The following CALN1 variants were observed in gnomAD, a reference collection of about 807,000 sequenced individuals.
The protein encoded by CALN1 is calneuron 1.
In CALN1, 17 loss-of-function variants were observed where a neutral mutation model predicts 30.6. The ratio of observed to expected loss-of-function variants is 0.56; its 90% CI spans 0.38 to 0.83. The LOEUF (loss-of-function observed/expected upper bound fraction) is 0.83. Ranked by LOEUF, CALN1 falls within the 40% of genes least tolerant of loss-of-function variation. The probability of loss-of-function intolerance (pLI) is 0.00; values close to 1 mark genes in which losing one functional copy is unlikely to be tolerated. For missense variants in CALN1, 291 were observed against 354.9 expected (o/e 0.82, Z 1.45); for synonymous variants, 156 against 131.4 (o/e 1.19, Z -1.28).
chr7:71,953,974 G>A (rs1796830009), intron 5 of CALN1, among the ~76,000 whole-genome samples: 1 of 152,202 alleles, frequency 6.6e-6, no homozygotes, highest in Non-Finnish European at 1.5e-5. Context: ...AAAGAAAAGA[G>A]AACCTGAGAA....
In CALN1 at chr7:72,301,476, C is replaced by T. The variant is rs372980245; in HGVS notation, c.120-22666G>A. On this transcript the variant is annotated intron_variant, in intron 2 of 6. Coordinates refer to ENST00000395275, the MANE Select transcript of CALN1 (RefSeq NM_031468.4). ...TACAAAAATTAGCCTGGCTTGGTGG[C>T]GCATGCCTGTAGTCCCAGCTACTCG... Among the ~76,000 whole-genome samples, 19 of 151,962 alleles carry T rather than the reference C, an allele frequency of 1.3e-4. No individual in the cohort carries two copies. In the East Asian group the frequency reaches 2.9e-3, roughly 23 times the overall value.
At chr7:72,000,390 C>T (rs868513992) in intron 5 of CALN1, among the ~76,000 whole-genome samples, 55 of 151,684 alleles carry the variant, frequency 3.6e-4, no homozygotes, top group African/African-American at 1.3e-3. Context: ...TAGGGGAATA[C>T]TATGAATAAT....
chr7:71,963,840 G>A (rs950950295), intron 5 of CALN1, among the ~76,000 whole-genome samples: 4 of 152,052 alleles, frequency 2.6e-5, no homozygotes, highest in Admixed American at 6.6e-5. Context: ...TTTGCAAATG[G>A]GAAAACTGAG....
chr7:72,039,201 T>A (rs73369822), intron 4 of CALN1, among the ~76,000 whole-genome samples: 1,731 of 152,338 alleles, frequency 0.011, 45 homozygotes, highest in African/African-American at 0.039. Context: ...TGAATTCAGT[T>A]GTTCGTATCT....
intron 5 of CALN1, among the ~76,000 whole-genome samples, chr7:71,890,186 C>T (rs942821821): frequency 6.6e-6 from 1 of 152,132 alleles, no homozygotes; most frequent in Non-Finnish European, 1.5e-5. Context: ...CTCTCTGCAG[C>T]CTCAAACTCC....
chr7:72,496,384 A>AT, the CALN1 span, among the ~76,000 whole-genome samples: 253 of 152,232 alleles, frequency 1.7e-3, no homozygotes, highest in African/African-American at 5.8e-3. Flanking sequence ...ATCAGAAAAA[A>AT]CCATCTGTTG....
chr7:71,938,637 A>C (rs1176672276), intron 5 of CALN1, among the ~76,000 whole-genome samples: 1 of 152,154 alleles, frequency 6.6e-6, no homozygotes, highest in Non-Finnish European at 1.5e-5. Flanking sequence ...TCTACTAAAA[A>C]TACAAAAATT....
At chr7:72,074,477 G>A (rs1190215768) in intron 4 of CALN1, among the ~76,000 whole-genome samples, 1 of 152,130 alleles carries the variant, frequency 6.6e-6, no homozygotes, top group East Asian at 1.9e-4. Flanking sequence ...GTGCAATCTT[G>A]GCTCACTGCA....
At chr7:72,334,326 C>T (rs1393108293) in intron 2 of CALN1, among the ~76,000 whole-genome samples, 1 of 152,230 alleles carries the variant, frequency 6.6e-6, no homozygotes, top group African/African-American at 2.4e-5. Context: ...ACTGCACACA[C>T]CACAACAGAA....
At chr7:72,403,583 TATA>T (rs1372887305) in intron 1 of CALN1, 141 bp from the exon 2 acceptor site, 4 of 455,834 alleles carry the variant, frequency 8.8e-6, no homozygotes, top group African/African-American at 1.9e-5. Flanking sequence ...GCACAAGAAA[TATA>T]ATTACAGTTG....
intron 3 of CALN1, among the ~76,000 whole-genome samples, chr7:72,278,012 G>GGGC (rs1554348538): frequency 7.2e-6 from 1 of 138,636 alleles, no homozygotes; most frequent in Non-Finnish European, 1.6e-5. Flanking sequence ...CTATTCCGGG[G>GGGC]GGGGGGGACT....
intron 1 of CALN1, among the ~76,000 whole-genome samples, chr7:72,418,385 G>A (rs754925370): frequency 2.1e-4 from 32 of 152,166 alleles, no homozygotes; most frequent in South Asian, 6.2e-4. Context: ...CACCTACGTC[G>A]ATTCCATGTC....
At chr7:72,106,001 A>T in intron 4 of CALN1, 150 bp downstream of exon 4, 1 of 1,044,812 alleles carries the variant, frequency 9.6e-7, no homozygotes, top group Non-Finnish European at 1.3e-6. Flanking sequence ...ATGGAAAGTT[A>T]CTGAAAAAGC....
chr7:72,371,142 T>C (rs1057219229), intron 2 of CALN1, among the ~76,000 whole-genome samples: 1 of 152,210 alleles, frequency 6.6e-6, no homozygotes, highest in Non-Finnish European at 1.5e-5. Flanking sequence ...GTCCTATTTT[T>C]AAAAATTTGC....
chr7:71,992,143 A>G (rs1292687608), intron 5 of CALN1, among the ~76,000 whole-genome samples: 1 of 152,240 alleles, frequency 6.6e-6, no homozygotes, highest in Non-Finnish European at 1.5e-5. Flanking sequence ...CCTTTCTAAC[A>G]CAAAGACATT....
chr7:72,035,889 A>G (rs844673), intron 4 of CALN1, among the ~76,000 whole-genome samples: 95,994 of 152,090 alleles, frequency 0.63, 30,558 homozygotes, highest in East Asian at 0.76. Flanking sequence ...CAATGTTACA[A>G]TAATATTAGC....
At chr7:72,133,835 A>C (rs1272870825) in intron 3 of CALN1, among the ~76,000 whole-genome samples, 1 of 152,244 alleles carries the variant, frequency 6.6e-6, no homozygotes, top group African/African-American at 2.4e-5. Context: ...ATAACTATGA[A>C]GGAACATCAG....
intron 3 of CALN1, among the ~76,000 whole-genome samples, chr7:72,196,309 C>T (rs980341012): frequency 2.0e-5 from 3 of 152,034 alleles, no homozygotes; most frequent in East Asian, 1.9e-4. Flanking sequence ...GCTAGAAATG[C>T]GGTTTCGCCA....
chr7:71,873,123 C>T (rs538334120), intron 5 of CALN1, among the ~76,000 whole-genome samples: 10 of 151,234 alleles, frequency 6.6e-5, no homozygotes, highest in African/African-American at 1.7e-4. Context: ...CCTGCCTCAG[C>T]GTCTTGAGTA....
Sources: gnomAD v4.1 joint callset for allele counts (sites outside exome capture counted in the v4.1 genomes callset) on GRCh38, gnomAD v4.1.1 for gene constraint, MANE v1.5 for transcripts, NCBI Gene and HGNC (gene_info 2026-07-23, HGNC 2026-07-21) for gene names.